The following NUFIP1 variants were observed in gnomAD, a reference collection of about 807,000 sequenced individuals.
The protein encoded by NUFIP1 is FMR1-interacting protein NUFIP1.
A neutral mutation model predicts 56.2 loss-of-function variants in NUFIP1; 38 were observed. The observed-to-expected ratio is 0.68, with a 90% CI of 0.52 to 0.89. The LOEUF is 0.89. Ranked by LOEUF, NUFIP1 falls within the 40% of genes least tolerant of loss-of-function variation. The pLI is 0.00. For synonymous variants in NUFIP1, 215 were observed against 212.4 expected (o/e 1.01, Z -0.10); for missense variants, 567 against 605.8 (o/e 0.94, Z 0.67).
chr13:44,959,327 T>C (rs1270037648), intron 7 of NUFIP1, 54 bp downstream of exon 7: 3 of 1,492,054 alleles, frequency 2.0e-6, no homozygotes, highest in Non-Finnish European at 2.8e-6. Context: ...AATAATCAAC[T>C]TCAGCATCAT....
intron 3 of NUFIP1, 72 bp from the exon 4 acceptor site, chr13:44,980,024 T>C (rs2137923114): frequency 2.9e-6 from 3 of 1,045,758 alleles, no homozygotes; most frequent in African/African-American, 1.6e-5. Context: ...CCACTATACA[T>C]ACACAGACAT....
intron 1 of NUFIP1, among the ~76,000 whole-genome samples, chr13:44,986,800 T>C (rs1353421815): frequency 6.6e-6 from 1 of 151,744 alleles, no homozygotes; most frequent in Non-Finnish European, 1.5e-5. Flanking sequence ...GGAAAGAAAG[T>C]GCTTTTTTGA....
chr13:44,941,971 G>A (rs1011054708), intron 9 of NUFIP1, among the ~76,000 whole-genome samples: 1 of 150,540 alleles, frequency 6.6e-6, no homozygotes. Flanking sequence ...GCAATCATGC[G>A]ATCTCAGCTC....
chr13:44,969,786 A>G (rs1255127142), intron 5 of NUFIP1, among the ~76,000 whole-genome samples: 1 of 152,006 alleles, frequency 6.6e-6, no homozygotes, highest in Non-Finnish European at 1.5e-5. Context: ...TGGTCACATT[A>G]TTCTCTCCAA....
intron 8 of NUFIP1, among the ~76,000 whole-genome samples, chr13:44,945,021 TA>T (rs1001537190): frequency 1.3e-4 from 20 of 151,846 alleles, no homozygotes; most frequent in Non-Finnish European, 1.5e-4. Flanking sequence ...GAGGAAATAC[TA>T]AAAAGTGAAA....
intron 6 of NUFIP1, among the ~76,000 whole-genome samples, chr13:44,963,097 C>CA (rs907541124): frequency 3.5e-4 from 52 of 146,638 alleles, no homozygotes; most frequent in South Asian, 2.1e-3. Context: ...AAAAACAAAA[C>CA]AAAAAAAAAA....
At chr13:44,988,408 C>T (rs959815997) in intron 1 of NUFIP1, among the ~76,000 whole-genome samples, 1 of 151,966 alleles carries the variant, frequency 6.6e-6, no homozygotes, top group Non-Finnish European at 1.5e-5. Flanking sequence ...AAGTAGATCG[C>T]GCTACTCTTC....
rs914370323 is a variant in NUFIP1 at position 44,966,607 on chromosome 13, G to A, written c.735-671C>T. 3.9e-5 allele frequency among the ~76,000 whole-genome samples: 6 copies of A among 151,956 alleles called. 1 individual carries two copies. The highest frequency in any genetic ancestry group is 7.4e-5 in the Non-Finnish European group (5 of 67,994). ...TGGGATTACAGGCGTGAACCATCAC[G>A]CCCGGCCAAGTCTATCCAATTTCTT... On this transcript the variant is annotated intron_variant, in intron 5 of 9. Coordinates refer to ENST00000379161, the MANE Select transcript of NUFIP1 (RefSeq NM_012345.3).
chr13:44,958,343 G>C (rs1593361489), intron 7 of NUFIP1, among the ~76,000 whole-genome samples: 1 of 152,106 alleles, frequency 6.6e-6, no homozygotes, highest in Non-Finnish European at 1.5e-5. Context: ...AACAGTAACG[G>C]TATATGTGTA....
intron 1 of NUFIP1, 95 bp downstream of exon 1, chr13:44,988,930 G>A (rs909981042): frequency 3.9e-6 from 5 of 1,289,738 alleles, no homozygotes; most frequent in Non-Finnish European, 5.4e-6. Context: ...AGAGTGCAGA[G>A]GCAAGGCAGA....
intron 7 of NUFIP1, among the ~76,000 whole-genome samples, chr13:44,956,050 G>C (rs972652578): frequency 3.3e-5 from 5 of 151,060 alleles, no homozygotes; most frequent in African/African-American, 1.2e-4. Context: ...GGCTGAGGCA[G>C]GAGAATGGTG....
intron 1 of NUFIP1, among the ~76,000 whole-genome samples, chr13:44,987,020 T>C (rs1209521497): frequency 1.3e-5 from 2 of 152,108 alleles, no homozygotes; most frequent in Non-Finnish European, 2.9e-5. Context: ...GGGTCTCACT[T>C]TGTTGCCCAG....
At chr13:44,988,259 A>G (rs9562587) in intron 1 of NUFIP1, among the ~76,000 whole-genome samples, 53,358 of 152,074 alleles carry the variant, frequency 0.35, 11,834 homozygotes, top group Non-Finnish European at 0.48. Flanking sequence ...TTTCTACTAA[A>G]AATATAAAAA....
chr13:44,959,498 C>T lies in NUFIP1; in HGVS notation c.904G>A (p.Asp302Asn), dbSNP rs200016414. 1.6e-5 allele frequency: 26 copies of T among 1,614,024 alleles called. No individual in the cohort carries two copies. In the African/African-American group the frequency reaches 1.7e-4, roughly 11 times the overall value. Residue 302 changes from aspartate (D) to asparagine (N), a missense_variant, in exon 7 of 10, where the codon GAC becomes AAC. Physicochemically the swap from Asp to Asn is conservative, Grantham distance 23. Transcript: ENST00000379161. The stretch of plus-strand genomic sequence containing the variant: ...GTGACTGCTCTCTGTCTAGAATTGT[C>T]GTTTTTCCATTTGTGATTCTTGCCA... ...SPGKNHKWKNDNSRQRAVTGS... is the reference protein window; with the variant it reads ...SPGKNHKWKNNNSRQRAVTGS...
chr13:44,968,311 G>C (rs759446139), intron 5 of NUFIP1, among the ~76,000 whole-genome samples: 2 of 151,474 alleles, frequency 1.3e-5, no homozygotes, highest in Non-Finnish European at 2.9e-5. Flanking sequence ...ACTTGTACGA[G>C]TGTGAAATCT....
chr13:44,957,826 C>G (rs765115364), intron 7 of NUFIP1, among the ~76,000 whole-genome samples: 10 of 152,024 alleles, frequency 6.6e-5, no homozygotes, highest in Non-Finnish European at 1.2e-4. Context: ...GAAAATTGCA[C>G]AAAGTAAAAG....
intron 6 of NUFIP1, among the ~76,000 whole-genome samples, chr13:44,961,691 A>T (rs1297626066): frequency 6.6e-6 from 1 of 152,234 alleles, no homozygotes; most frequent in Admixed American, 6.5e-5. Context: ...GTCACTGCAA[A>T]GAAAACAGGT....
chr13:44,983,436 C>T (rs991129816), intron 1 of NUFIP1, among the ~76,000 whole-genome samples: 3 of 152,000 alleles, frequency 2.0e-5, no homozygotes, highest in African/African-American at 7.2e-5. Context: ...CTCGGCCTCC[C>T]AAAGTGCTGG....
chr13:44,973,500 A>G (rs903411762), intron 5 of NUFIP1, among the ~76,000 whole-genome samples: 3 of 152,212 alleles, frequency 2.0e-5, no homozygotes, highest in African/African-American at 7.2e-5. Context: ...TTCAAGCACC[A>G]TTTACACACA....
Sources: gnomAD v4.1 joint callset for allele counts (sites outside exome capture counted in the v4.1 genomes callset) on GRCh38, gnomAD v4.1.1 for gene constraint, MANE v1.5 for transcripts, NCBI Gene and HGNC (gene_info 2026-07-23, HGNC 2026-07-21) for gene names.